The following HSPBAP1 variants were observed in gnomAD, a reference collection of about 807,000 sequenced individuals.
HSPBAP1 encodes HSPB1-associated protein 1.
In HSPBAP1, 27 loss-of-function variants were observed where a neutral mutation model predicts 45.2. The ratio of observed to expected loss-of-function variants is 0.60; its 90% CI spans 0.44 to 0.82. The LOEUF (loss-of-function observed/expected upper bound fraction) is 0.82. HSPBAP1 is among the 40% of genes least tolerant of loss of function. The pLI is 0.00. For synonymous variants in HSPBAP1, 204 were observed against 202.7 expected (o/e 1.01, Z -0.06); for missense variants, 510 against 590.9 (o/e 0.86, Z 1.42).
chr3:122,760,652 T>C (rs41445046), intron 3 of HSPBAP1, among the ~76,000 whole-genome samples: 14,601 of 152,082 alleles, frequency 0.096, 956 homozygotes, highest in African/African-American at 0.17. Context: ...CCACTGTAAA[T>C]GCACATGGCT....
chr3:122,750,100 G>A (rs1015395840), intron 6 of HSPBAP1, among the ~76,000 whole-genome samples: 4 of 150,140 alleles, frequency 2.7e-5, no homozygotes, highest in Non-Finnish European at 5.9e-5. Flanking sequence ...TCAGCCTCCC[G>A]AATAGCCGGG....
rs1478821694 is a variant in HSPBAP1, at chr3:122,747,740, C to T, written c.825+4851G>A. On this transcript the variant is annotated intron_variant, in intron 6 of 7. Coordinates refer to ENST00000306103, the MANE Select transcript of HSPBAP1 (RefSeq NM_024610.6). Reference sequence around the variant, plus strand: ...GGAGCCCCTCTGCCCGGCCAGCCGCCCCGTCCCGGAGGGAGGTGGGGGGGT... The same window carrying T: ...GGAGCCCCTCTGCCCGGCCAGCCGCTCCGTCCCGGAGGGAGGTGGGGGGGT... 2.7e-5 allele frequency among the ~76,000 whole-genome samples: 4 copies of T among 146,982 alleles called. No homozygotes were observed. In the South Asian group the frequency reaches 8.6e-4, roughly 32 times the overall value.
At chr3:122,764,477 C>A (rs1934707383) in intron 3 of HSPBAP1, among the ~76,000 whole-genome samples, 1 of 152,160 alleles carries the variant, frequency 6.6e-6, no homozygotes, top group Non-Finnish European at 1.5e-5. Context: ...CTTATTAACT[C>A]TTTTCTTCCA....
chr3:122,753,529 A>T, intron 5 of HSPBAP1: 1 of 984,646 alleles, frequency 1.0e-6, no homozygotes, highest in East Asian at 1.1e-4. Context: ...TTAAGATATA[A>T]ATAGGAAGGT....
intron 4 of HSPBAP1, among the ~76,000 whole-genome samples, chr3:122,756,283 G>A (rs1934353190): frequency 6.6e-6 from 1 of 152,204 alleles, no homozygotes. Context: ...TCAGAACCAA[G>A]AAACAGCGGC....
intron 6 of HSPBAP1, among the ~76,000 whole-genome samples, chr3:122,742,794 C>T (rs913989659): frequency 7.2e-5 from 11 of 152,180 alleles, no homozygotes; most frequent in Non-Finnish European, 1.0e-4. Flanking sequence ...AGTTTCCAGC[C>T]TGCCAGCCTG....
intron 1 of HSPBAP1, among the ~76,000 whole-genome samples, chr3:122,780,683 T>C (rs1304628666): frequency 9.2e-5 from 13 of 140,564 alleles, no homozygotes; most frequent in African/African-American, 3.0e-4. Context: ...CCGGACGGGG[T>C]GGCTGCCGGG....
chr3:122,750,735 G>A (rs1481263266), intron 6 of HSPBAP1, among the ~76,000 whole-genome samples: 2 of 152,176 alleles, frequency 1.3e-5, no homozygotes, highest in Non-Finnish European at 2.9e-5. Flanking sequence ...AAAGGAGAAA[G>A]GGTATCCTGG....
At chr3:122,743,914 A>ACTT (rs1933757648) in intron 6 of HSPBAP1, among the ~76,000 whole-genome samples, 1 of 151,864 alleles carries the variant, frequency 6.6e-6, no homozygotes, top group Non-Finnish European at 1.5e-5. Flanking sequence ...TTTGGAGGCC[A>ACTT]AAGTGGAAGT....
At chr3:122,746,378 A>C (rs1257036501) in intron 6 of HSPBAP1, among the ~76,000 whole-genome samples, 1 of 151,788 alleles carries the variant, frequency 6.6e-6, no homozygotes, top group Non-Finnish European at 1.5e-5. Context: ...AGCCAGAAAA[A>C]CCCTGCAAAA....
chr3:122,760,439 C>T (rs753969591), intron 3 of HSPBAP1, among the ~76,000 whole-genome samples: 20 of 151,722 alleles, frequency 1.3e-4, no homozygotes, highest in Middle Eastern at 6.8e-3. Context: ...TAACTACAGT[C>T]TAAATTTTCT....
At chr3:122,748,902 T>C (rs767376745) in intron 6 of HSPBAP1, among the ~76,000 whole-genome samples, 1 of 152,182 alleles carries the variant, frequency 6.6e-6, no homozygotes, top group African/African-American at 2.4e-5. Flanking sequence ...TAGACAGTGG[T>C]TGAAGAAAAA....
At chr3:122,760,379 C>A (rs1366710414) in intron 3 of HSPBAP1, among the ~76,000 whole-genome samples, 1 of 151,734 alleles carries the variant, frequency 6.6e-6, no homozygotes, top group Non-Finnish European at 1.5e-5. Flanking sequence ...AAAAACACCC[C>A]ACTTCTATGT....
Position 122,755,410 on chromosome 3 carries a change from A to G in HSPBAP1, c.591T>C (p.Pro197=). The change falls in exon 5 of 8, where the codon CCT becomes CCC. Residue 197 remains proline, a synonymous_variant. Transcript: ENST00000306103. ...VQGRKRWHLF[P]PEDTPFLYPT... ...GATAAAGGAAAGGAGTATCTTCAGGAGGAAAGAGATGCCATCGTTTCCTAA... is the reference window on the plus strand; with the variant it reads ...GATAAAGGAAAGGAGTATCTTCAGGGGGAAAGAGATGCCATCGTTTCCTAA... The G allele has an allele frequency of 6.8e-7, 1 of 1,477,744 alleles. No homozygotes were observed. Among genetic ancestry groups the G allele is most frequent in the South Asian group, 1.3e-5 (1 of 76,188 alleles). 91.5% of individuals were successfully genotyped at this position (1,477,744 alleles called of 1,614,324 possible). A position where few individuals can be genotyped will look rare whatever the true frequency, so the allele number is the denominator to read the frequency against.
chr3:122,776,290 T>C (rs540591954), intron 2 of HSPBAP1, among the ~76,000 whole-genome samples: 1 of 152,210 alleles, frequency 6.6e-6, no homozygotes, highest in Non-Finnish European at 1.5e-5. Context: ...TTTTATTTAA[T>C]AAAAAAGAAC....
At chr3:122,749,685 T>C (rs1200218490) in intron 6 of HSPBAP1, among the ~76,000 whole-genome samples, 1 of 152,228 alleles carries the variant, frequency 6.6e-6, no homozygotes, top group African/African-American at 2.4e-5. Flanking sequence ...CTCAGCTCAC[T>C]GCAACCTCCA....
At chr3:122,786,716 C>T (rs781724734) in intron 1 of HSPBAP1, among the ~76,000 whole-genome samples, 5 of 152,174 alleles carry the variant, frequency 3.3e-5, no homozygotes, top group Non-Finnish European at 7.3e-5. Context: ...AATGCCAAAA[C>T]ATTTGCTAAA....
intron 4 of HSPBAP1, chr3:122,758,894 A>AT (rs1272579506): frequency 4.0e-6 from 1 of 247,868 alleles, no homozygotes. Flanking sequence ...TCTCTAATTT[A>AT]CCAAAAAAAA....
At chr3:122,767,686 C>G (rs371933264) in intron 3 of HSPBAP1, among the ~76,000 whole-genome samples, 3 of 152,030 alleles carry the variant, frequency 2.0e-5, no homozygotes, top group Non-Finnish European at 2.9e-5. Flanking sequence ...CCCAGCAACT[C>G]GGGAGACTGA....
Sources: allele counts gnomAD v4.1 joint callset (sites outside exome capture counted in the v4.1 genomes callset), GRCh38; gene constraint gnomAD v4.1.1; transcripts MANE v1.5; gene names NCBI Gene and HGNC (gene_info 2026-07-23, HGNC 2026-07-21).